ELP2: variants seen among roughly 807,000 people sequenced by gnomAD.
ELP2 encodes elongator acetyltransferase complex subunit 2, also known as elongator complex protein 2.
Under a neutral mutation model 119.2 loss-of-function variants are expected in ELP2, and 90 were observed. That is an observed-to-expected ratio of 0.75 (90% CI 0.64 to 0.90). ELP2 has a LOEUF of 0.90. ELP2 is among the 40% of genes least tolerant of loss of function. The pLI is 0.00. For missense variants in ELP2, 921 were observed against 967.8 expected, an observed-to-expected ratio of 0.95 and a Z score of 0.64; for synonymous variants, 339 against 331.0, an observed-to-expected ratio of 1.02 and a Z score of -0.26.
chr18:36,174,730 GT>G lies in ELP2; in HGVS notation c.*92del. The G allele has an allele frequency of 7.9e-7, 1 of 1,259,898 alleles. No homozygotes were observed. The highest frequency in any genetic ancestry group is 1.1e-6 in the Non-Finnish European group (1 of 905,964). The allele number at this position is 1,259,898 out of a possible 1,614,324, so 78.0% of individuals were successfully genotyped here. On this transcript the variant is annotated 3_prime_UTR_variant, in exon 22 of 22. Transcript: ENST00000358232. Reference sequence around the variant, plus strand: ...ATCTTTACCTTCATAACTGAATTGAGTTTCTGGGTTTTTTTTTTTTTTGAGA... The same window carrying G: ...ATCTTTACCTTCATAACTGAATTGAGTTCTGGGTTTTTTTTTTTTTTGAGA...
Position 36,146,057 on chromosome 18 carries a change from G to T in ELP2, c.993+9G>T. 1.2e-6 allele frequency: 2 copies of T among 1,612,292 alleles called. No homozygotes were observed. Among genetic ancestry groups the T allele is most frequent in the Non-Finnish European group, 1.7e-6 (2 of 1,178,374 alleles). On this transcript the variant is annotated intron_variant, in intron 10 of 21. Coordinates refer to ENST00000358232, the MANE Select transcript of ELP2 (RefSeq NM_018255.4). ...GAGTTTGGCTAGAACAGGTAAAAATGTTGGATATTTAAGGAACAGAAAATT... is the reference window on the plus strand; with the variant it reads ...GAGTTTGGCTAGAACAGGTAAAAATTTTGGATATTTAAGGAACAGAAAATT...
At chr18:36,147,986 C>G (rs920844529) in intron 11 of ELP2, among the ~76,000 whole-genome samples, 1 of 152,064 alleles carries the variant, frequency 6.6e-6, no homozygotes, top group Non-Finnish European at 1.5e-5. Context: ...ATGTGCTTAG[C>G]TATTCGGAAG....
intron 20 of ELP2, chr18:36,170,776 A>G (rs2091055741): frequency 9.8e-6 from 5 of 510,596 alleles, no homozygotes; most frequent in African/African-American, 3.8e-5. Flanking sequence ...AAGCATCTTC[A>G]GTGGAACAAG....
chr18:36,172,867 A>G (rs2091123528), intron 21 of ELP2, among the ~76,000 whole-genome samples: 1 of 152,200 alleles, frequency 6.6e-6, no homozygotes, highest in Admixed American at 6.5e-5. Flanking sequence ...AGGATTTGCA[A>G]GATGGAACTA....
At position 36,167,131 on chromosome 18, in the gene ELP2, A is replaced by G. The variant is rs1366476433; in HGVS notation, c.1985A>G (p.Asn662Ser). The change falls in exon 19 of 22, where the codon AAC becomes AGC. Residue 662 changes from asparagine to serine, a missense_variant. By Grantham distance (46) the Asn-to-Ser change is conservative. Coordinates refer to ENST00000358232, the MANE Select transcript of ELP2 (RefSeq NM_018255.4). ...EPVFSLFAFT[N>S]KITSVHSRII... ...GTTTTTAGTCTTTTTGCCTTCACCA[A>G]CAAAATTACTTCTGTGCACAGTAGA... 6.2e-7 allele frequency: 1 copy of G among 1,600,466 alleles called. No individual in the cohort carries two copies. The highest frequency in any genetic ancestry group is 8.5e-7 in the Non-Finnish European group (1 of 1,173,492).
At chr18:36,131,077 G>A (rs908758022) in intron 1 of ELP2, among the ~76,000 whole-genome samples, 2 of 152,122 alleles carry the variant, frequency 1.3e-5, no homozygotes, top group African/African-American at 2.4e-5. Flanking sequence ...GGGAGGTAGA[G>A]GTGGGAGGAT....
At position 36,174,855 on chromosome 18, in the gene ELP2, C is replaced by CA; in HGVS notation, c.*214_*215insA. On this transcript the variant is annotated 3_prime_UTR_variant, in exon 22 of 22. Coordinates refer to ENST00000358232, the MANE Select transcript of ELP2 (RefSeq NM_018255.4). Reference sequence around the variant, plus strand: ...GGGACTAGAGGCACACCACCAATTCCGGCTAATTTTTGTATTTTTAGTAGA... The same window carrying CA: ...GGGACTAGAGGCACACCACCAATTCCAGGCTAATTTTTGTATTTTTAGTAGA... 4.1e-6 allele frequency: 2 copies of CA among 486,242 alleles called. No homozygotes were observed. The highest frequency in any genetic ancestry group is 4.6e-5 in the South Asian group (2 of 43,074). The allele number at this position is 486,242 out of a possible 1,614,324, so 30.1% of individuals were successfully genotyped here. A position where few individuals can be genotyped will look rare whatever the true frequency, so the allele number is the denominator to read the frequency against.
intron 8 of ELP2, 125 bp downstream of exon 8, chr18:36,143,091 C>T: frequency 2.9e-6 from 2 of 678,990 alleles, no homozygotes; most frequent in South Asian, 2.1e-5. Flanking sequence ...CCTGAAATTT[C>T]TTTTTTCTTT....
Position 36,177,092 on chromosome 18 carries a change from A to G in ELP2, c.*2451A>G, listed in dbSNP as rs1294988136. On this transcript the variant is annotated 3_prime_UTR_variant, in exon 22 of 22. Transcript: ENST00000358232. ...ATATGTATACTGACATGTTTGAGGG[A>G]AGTTACTGTGGTCTGTAACTTATGA... The G allele has an allele frequency of 1.3e-5, 2 of 152,152 alleles. No homozygotes were observed. Among genetic ancestry groups the G allele is most frequent in the African/African-American group, 4.8e-5 (2 of 41,424 alleles). The allele number at this position is 152,152 out of a possible 1,614,324, so 9.4% of individuals were successfully genotyped here.
rs2091296068 is a variant in ELP2 at position 36,179,761 on chromosome 18, T to A, written c.*5120T>A. 1 of 152,290 alleles carries A rather than the reference T, an allele frequency of 6.6e-6. No individual in the cohort carries two copies. 9.4% of individuals were successfully genotyped at this position (152,290 alleles called of 1,614,324 possible). A position where few individuals can be genotyped will look rare whatever the true frequency, so the allele number is the denominator to read the frequency against. On this transcript the variant is annotated 3_prime_UTR_variant, in exon 22 of 22. Transcript: ENST00000358232. ...CTCTCACTTCTGCCCCTGCTACCCT[T>A]AGTCTTTGGCTTTTGCTGACATTTT...
At chr18:36,141,319 A>G (rs1008512252) in intron 6 of ELP2, 118 bp downstream of exon 6, 24 of 860,876 alleles carry the variant, frequency 2.8e-5, no homozygotes, top group Non-Finnish European at 3.2e-5. Flanking sequence ...AAATAATCCA[A>G]TAGAATCTTT....
chr18:36,155,986 T>C (rs2090560900), intron 12 of ELP2, among the ~76,000 whole-genome samples: 1 of 152,228 alleles, frequency 6.6e-6, no homozygotes. Context: ...GTGGAACTAA[T>C]GTTTCTGTAA....
At chr18:36,131,875 AAAG>A (rs1357369278) in intron 1 of ELP2, among the ~76,000 whole-genome samples, 3 of 151,722 alleles carry the variant, frequency 2.0e-5, no homozygotes, top group African/African-American at 7.3e-5. Flanking sequence ...GCATATTGAC[AAAG>A]AAGTGTTGAG....
rs770653207 is a variant in ELP2, at chr18:36,177,948, A to T, written c.*3307A>T. ...ACTCCTTAAGGGGTGTTCACTGTAC[A>T]ATTCTTTCAACTTTTCTGCATGCTG... is the stretch of plus-strand genomic sequence containing the variant. On this transcript the variant is annotated 3_prime_UTR_variant, in exon 22 of 22. Transcript: ENST00000358232. 2 of 152,236 alleles carry T rather than the reference A, an allele frequency of 1.3e-5. No individual in the cohort carries two copies. The highest frequency in any genetic ancestry group is 2.9e-5 in the Non-Finnish European group (2 of 68,044). The allele number at this position is 152,236 out of a possible 1,614,324, so 9.4% of individuals were successfully genotyped here.
At chr18:36,166,336 T>G (rs886890264) in intron 18 of ELP2, among the ~76,000 whole-genome samples, 1 of 124,710 alleles carries the variant, frequency 8.0e-6, no homozygotes, top group Non-Finnish European at 1.7e-5. Flanking sequence ...TTTTTTTTTT[T>G]TTTTTTTTTT....
chr18:36,142,295 TTCTC>T lies in ELP2; in HGVS notation c.607_610del (p.Leu203ValfsTer21). ...TATCTTACTAGTTTCAGAAAGTGCT[TTCTC>T]TCTGTGGACATGAGGATTGGATTAG... is the stretch of plus-strand genomic sequence containing the variant. On this transcript the variant is annotated frameshift_variant, in exon 7 of 22. Coordinates refer to ENST00000358232, the MANE Select transcript of ELP2 (RefSeq NM_018255.4). LOFTEE classifies it high-confidence loss of function. 6.2e-7 allele frequency: 1 copy of T among 1,613,974 alleles called. No individual in the cohort carries two copies. Among genetic ancestry groups the T allele is most frequent in the Non-Finnish European group, 8.5e-7 (1 of 1,179,904 alleles).
chr18:36,142,674 G>T, intron 7 of ELP2, 152 bp from the exon 8 acceptor site: 1 of 617,730 alleles, frequency 1.6e-6, no homozygotes, highest in Non-Finnish European at 2.8e-6. Flanking sequence ...TATTAAAAAT[G>T]AATATAGATC....
rs1029845791 is a variant in ELP2 at position 36,161,869 on chromosome 18, T to C, written c.1761+865T>C. Reference sequence around the variant, plus strand: ...TTGAAATGGTACTGAGAGGACTTCCTTCTCTTATAGGAGCCTTTGGGAAAA... The same window carrying C: ...TTGAAATGGTACTGAGAGGACTTCCCTCTCTTATAGGAGCCTTTGGGAAAA... On this transcript the variant is annotated intron_variant, in intron 17 of 21. Coordinates refer to ENST00000358232, the MANE Select transcript of ELP2 (RefSeq NM_018255.4). 1.3e-5 allele frequency among the ~76,000 whole-genome samples: 2 copies of C among 152,036 alleles called. 1 individual carries two copies. The highest frequency in any genetic ancestry group is 1.3e-4 in the Admixed American group (2 of 15,256).
In ELP2 at chr18:36,178,921, C is replaced by A. The variant is rs920968807; in HGVS notation, c.*4280C>A. On this transcript the variant is annotated 3_prime_UTR_variant, in exon 22 of 22. Transcript: ENST00000358232. ...TAATTTTTTAATATACTTAAAATTT[C>A]CTTATAAGAATTGTTTAGAAAGAAT... 2 of 151,948 alleles carry A rather than the reference C, an allele frequency of 1.3e-5. No homozygotes were observed. The highest frequency in any genetic ancestry group is 4.8e-5 in the African/African-American group (2 of 41,358). 9.4% of individuals were successfully genotyped at this position (151,948 alleles called of 1,614,324 possible).
Sources: allele counts gnomAD v4.1 joint callset (sites outside exome capture counted in the v4.1 genomes callset), GRCh38; gene constraint gnomAD v4.1.1; transcripts MANE v1.5; gene names NCBI Gene and HGNC (gene_info 2026-07-23, HGNC 2026-07-21).